LINGO2: variants seen among roughly 807,000 people sequenced by gnomAD.
The protein encoded by LINGO2 is leucine-rich repeat and immunoglobulin-like domain-containing nogo receptor-interacting protein 2.
A neutral mutation model predicts 30.6 loss-of-function variants in LINGO2; 14 were observed. The observed-to-expected ratio is 0.46, with a 90% CI of 0.30 to 0.72. LINGO2 has a LOEUF of 0.72. LINGO2 is among the 30% of genes least tolerant of loss of function. The pLI, the probability that LINGO2 is intolerant of heterozygous loss-of-function variation, is 0.07. For missense variants in LINGO2, 729 were observed against 751.7 expected (o/e 0.97, Z 0.35); for synonymous variants, 317 against 288.5 (o/e 1.10, Z -1.00).
chr9:28,205,452 T>G (rs1820377121), intron 4 of LINGO2, among the ~76,000 whole-genome samples: 1 of 152,174 alleles, frequency 6.6e-6, no homozygotes, highest in Non-Finnish European at 1.5e-5. Flanking sequence ...AATGCCAAAT[T>G]TATTTCTTCA....
rs568736025 is a variant in LINGO2, at chr9:28,010,981, AG to A, written c.-36+1373del. On this transcript the variant is annotated intron_variant, in intron 5 of 5. Transcript: ENST00000379992. ...ATAAAATAAATCCAAATGGGTCCAA[AG>A]GTACCTTCCAATCTTAACATTATCC... Among the ~76,000 whole-genome samples the A allele has an allele frequency of 1.5e-4, 23 of 152,284 alleles. No individual in the cohort carries two copies. The South Asian group carries it at 4.4e-3, about 29-fold the overall frequency.
At chr9:28,332,289 G>C in intron 3 of LINGO2, among the ~76,000 whole-genome samples, 1 of 151,864 alleles carries the variant, frequency 6.6e-6, no homozygotes, top group East Asian at 1.9e-4. Flanking sequence ...AAGTAATTGT[G>C]GTCTTGCCGT....
At chr9:29,112,833 A>C in the LINGO2 span, among the ~76,000 whole-genome samples, 1 of 152,166 alleles carries the variant, frequency 6.6e-6, no homozygotes, top group East Asian at 1.9e-4. Flanking sequence ...AAACACACTC[A>C]TATATTATTC....
At chr9:28,848,291 A>ATATATGCG in the LINGO2 span, among the ~76,000 whole-genome samples, 1 of 73,074 alleles carries the variant, frequency 1.4e-5, no homozygotes, top group Non-Finnish European at 2.7e-5. Flanking sequence ...CACTATGCAT[A>ATATATGCG]TATATATACT....
At chr9:28,990,714 T>C in the LINGO2 span, among the ~76,000 whole-genome samples, 2 of 151,960 alleles carry the variant, frequency 1.3e-5, no homozygotes, top group African/African-American at 4.8e-5. Flanking sequence ...TCCGCTGTTC[T>C]GCAGCCACCA....
At chr9:29,190,598 G>A in the LINGO2 span, among the ~76,000 whole-genome samples, 2 of 151,974 alleles carry the variant, frequency 1.3e-5, no homozygotes, top group Non-Finnish European at 1.5e-5. Flanking sequence ...AATAAAATAT[G>A]GCAACAAGGT....
At chr9:28,616,959 T>G (rs1424336176) in intron 1 of LINGO2, among the ~76,000 whole-genome samples, 1 of 152,204 alleles carries the variant, frequency 6.6e-6, no homozygotes, top group East Asian at 1.9e-4. Context: ...TTTGTTTGTT[T>G]TTTTTCTTTC....
intron 4 of LINGO2, among the ~76,000 whole-genome samples, chr9:28,023,954 G>A (rs557827251): frequency 3.5e-4 from 54 of 152,220 alleles, no homozygotes; most frequent in African/African-American, 1.3e-3. Context: ...CATCTGTCCA[G>A]GGAAGCGAAT....
chr9:28,608,878 A>G (rs1020358423), intron 1 of LINGO2, among the ~76,000 whole-genome samples: 3 of 151,968 alleles, frequency 2.0e-5, no homozygotes, highest in Admixed American at 2.0e-4. Flanking sequence ...AGTTTGTGTT[A>G]TTTAATTGAG....
intron 1 of LINGO2, among the ~76,000 whole-genome samples, chr9:28,592,112 T>A (rs534445310): frequency 2.6e-5 from 4 of 152,246 alleles, no homozygotes; most frequent in African/African-American, 9.6e-5. Flanking sequence ...TATTTTTTGT[T>A]CCTAGTGTTG....
intron 2 of LINGO2, among the ~76,000 whole-genome samples, chr9:28,444,562 C>A (rs1824339949): frequency 6.6e-6 from 1 of 152,198 alleles, no homozygotes; most frequent in African/African-American, 2.4e-5. Flanking sequence ...TTGGGGCTCC[C>A]CAAGCCAGGG....
chr9:27,983,313 T>C (rs1314816967), intron 5 of LINGO2, among the ~76,000 whole-genome samples: 1 of 151,954 alleles, frequency 6.6e-6, no homozygotes, highest in Non-Finnish European at 1.5e-5. Context: ...TTCCGTATCA[T>C]AAATACACAG....
chr9:28,856,418 T>G, the LINGO2 span, among the ~76,000 whole-genome samples: 1 of 152,022 alleles, frequency 6.6e-6, no homozygotes, highest in Non-Finnish European at 1.5e-5. Flanking sequence ...CAAACAAGTA[T>G]GTTACAAACT....
At chr9:28,325,741 T>C (rs985968964) in intron 3 of LINGO2, among the ~76,000 whole-genome samples, 2 of 152,154 alleles carry the variant, frequency 1.3e-5, no homozygotes, top group East Asian at 1.9e-4. Context: ...TCTTTTTCTT[T>C]ATAAATTACC....
At chr9:28,495,701 C>G (rs886594108) in intron 1 of LINGO2, among the ~76,000 whole-genome samples, 1 of 152,120 alleles carries the variant, frequency 6.6e-6, no homozygotes. Context: ...CTTCTGATAG[C>G]TTTTGAATGT....
chr9:28,312,702 G>C (rs1824678378), intron 3 of LINGO2, among the ~76,000 whole-genome samples: 1 of 152,042 alleles, frequency 6.6e-6, no homozygotes, highest in Non-Finnish European at 1.5e-5. Context: ...TTATAATTCT[G>C]AGAAAATTTT....
chr9:29,122,963 A>G, the LINGO2 span, among the ~76,000 whole-genome samples: 3 of 152,148 alleles, frequency 2.0e-5, no homozygotes, highest in Admixed American at 2.0e-4. Context: ...TCTTGTTAAA[A>G]TGTACATTTG....
intron 4 of LINGO2, among the ~76,000 whole-genome samples, chr9:28,157,084 A>G (rs10812747): frequency 0.32 from 49,106 of 152,068 alleles, 9,213 homozygotes; most frequent in East Asian, 0.6. Flanking sequence ...TGGTGCCCCA[A>G]TAGGGAATCT....
the LINGO2 span, among the ~76,000 whole-genome samples, chr9:29,079,971 A>C: frequency 3.9e-5 from 6 of 152,080 alleles, no homozygotes; most frequent in African/African-American, 1.4e-4. Context: ...ATGATATTTA[A>C]ACAGTCACAA....
Sources: allele counts gnomAD v4.1 joint callset (sites outside exome capture counted in the v4.1 genomes callset), GRCh38; gene constraint gnomAD v4.1.1; transcripts MANE v1.5; gene names NCBI Gene and HGNC (gene_info 2026-07-23, HGNC 2026-07-21).